TNR: variants seen among roughly 807,000 people sequenced by gnomAD.
The protein encoded by TNR is tenascin-R.
In TNR, 45 loss-of-function variants were observed where a neutral mutation model predicts 150.4. The observed-to-expected ratio is 0.30, with a 90% confidence interval of 0.24 to 0.38. The LOEUF (loss-of-function observed/expected upper bound fraction) is 0.38. Ranked by LOEUF, TNR falls within the 10% of genes least tolerant of loss-of-function variation. The pLI, the probability that TNR is intolerant of heterozygous loss-of-function variation, is 1.00. For synonymous variants in TNR, 687 were observed against 678.4 expected, an observed-to-expected ratio of 1.01 and a Z score of -0.20; for missense variants, 1,544 against 1,759.1, an observed-to-expected ratio of 0.88 and a Z score of 2.19.
intron 1 of TNR, among the ~76,000 whole-genome samples, chr1:175,661,968 T>C (rs1167264731): frequency 6.6e-6 from 1 of 151,960 alleles, no homozygotes; most frequent in Non-Finnish European, 1.5e-5. Context: ...ACCTAGAAGG[T>C]GGCATTCCCG....
At chr1:175,662,770 C>G (rs919365983) in intron 1 of TNR, among the ~76,000 whole-genome samples, 1 of 152,138 alleles carries the variant, frequency 6.6e-6, no homozygotes, top group African/African-American at 2.4e-5. Flanking sequence ...AAGAAGAGGC[C>G]GAGAAGGCCT....
At chr1:175,542,622 T>C (rs912478256) in intron 1 of TNR, among the ~76,000 whole-genome samples, 6 of 152,208 alleles carry the variant, frequency 3.9e-5, no homozygotes, top group Non-Finnish European at 7.3e-5. Context: ...ACTCTACATC[T>C]CCTGATTAGA....
intron 1 of TNR, among the ~76,000 whole-genome samples, chr1:175,544,794 T>G (rs893114322): frequency 2.6e-5 from 4 of 152,224 alleles, no homozygotes; most frequent in African/African-American, 9.6e-5. Flanking sequence ...TTCCCTATCA[T>G]TGGCTGTTTT....
intron 1 of TNR, among the ~76,000 whole-genome samples, chr1:175,618,425 T>A (rs2101862137): frequency 6.6e-6 from 1 of 152,242 alleles, no homozygotes; most frequent in Non-Finnish European, 1.5e-5. Context: ...GCTGGTTATT[T>A]TTCCCCTCTC....
chr1:175,597,738 T>C (rs901594789), intron 1 of TNR, among the ~76,000 whole-genome samples: 1 of 152,172 alleles, frequency 6.6e-6, no homozygotes, highest in African/African-American at 2.4e-5. Context: ...GGACCAGTCA[T>C]GTAAATTAGC....
intron 2 of TNR, among the ~76,000 whole-genome samples, chr1:175,506,242 G>T (rs1044574692): frequency 6.6e-6 from 1 of 152,202 alleles, no homozygotes; most frequent in Non-Finnish European, 1.5e-5. Flanking sequence ...AAAAGGTGCT[G>T]ATTCAAGAGT....
intron 2 of TNR, among the ~76,000 whole-genome samples, chr1:175,462,067 C>G (rs1656845993): frequency 6.6e-6 from 1 of 152,228 alleles, no homozygotes; most frequent in Admixed American, 6.5e-5. Flanking sequence ...TTGAAAGCAC[C>G]TATCCCAGGA....
chr1:175,533,926 T>G (rs1354648646), intron 1 of TNR, among the ~76,000 whole-genome samples: 1 of 152,214 alleles, frequency 6.6e-6, no homozygotes, highest in Non-Finnish European at 1.5e-5. Flanking sequence ...TTTTGATGAC[T>G]GTACCAGCAG....
intron 2 of TNR, among the ~76,000 whole-genome samples, chr1:175,439,079 C>A (rs569968745): frequency 6.6e-6 from 1 of 152,240 alleles, no homozygotes; most frequent in South Asian, 2.1e-4. Flanking sequence ...CAATCCTAAG[C>A]CAAAAGAACA....
At chr1:175,434,096 C>G (rs1215734771) in intron 2 of TNR, among the ~76,000 whole-genome samples, 1 of 152,198 alleles carries the variant, frequency 6.6e-6, no homozygotes, top group Non-Finnish European at 1.5e-5. Context: ...AAGGAACCAG[C>G]ATGCAAAGCT....
At chr1:175,446,163 G>A (rs778563961) in intron 2 of TNR, among the ~76,000 whole-genome samples, 4 of 152,146 alleles carry the variant, frequency 2.6e-5, no homozygotes, top group Non-Finnish European at 4.4e-5. Context: ...TTGCAAGAAG[G>A]CATTGCACAT....
At chr1:175,527,413 T>C (rs530497336) in intron 2 of TNR, among the ~76,000 whole-genome samples, 1 of 152,194 alleles carries the variant, frequency 6.6e-6, no homozygotes, top group Admixed American at 6.5e-5. Flanking sequence ...ATCTGTAGAG[T>C]AGCATGAGGG....
At chr1:175,529,051 T>C (rs1659964243) in intron 1 of TNR, among the ~76,000 whole-genome samples, 1 of 152,194 alleles carries the variant, frequency 6.6e-6, no homozygotes, top group Admixed American at 6.5e-5. Context: ...GCCTTCTGAG[T>C]AAGCAAATTT....
chr1:175,346,603 C>A (rs780479525), intron 18 of TNR, among the ~76,000 whole-genome samples: 3 of 151,676 alleles, frequency 2.0e-5, no homozygotes, highest in South Asian at 2.1e-4. Flanking sequence ...GCTACAGATG[C>A]AGTAGAGATA....
chr1:175,459,701 T>C (rs1265686633), intron 2 of TNR, among the ~76,000 whole-genome samples: 2 of 152,136 alleles, frequency 1.3e-5, no homozygotes, highest in Admixed American at 1.3e-4. Flanking sequence ...GAGGGGAGCC[T>C]GAGAAAGTCT....
rs143353588 is a variant in TNR at position 175,635,519 on chromosome 1, G to A, written c.-164-107150C>T. Among the ~76,000 whole-genome samples the A allele has an allele frequency of 8.5e-5, 13 of 152,310 alleles. No homozygotes were observed. In the East Asian group the frequency reaches 1.5e-3, roughly 18 times the overall value. On this transcript the variant is annotated intron_variant, in intron 1 of 22. Transcript: ENST00000367674. ...TTATCAAGTGCTTGGCAGGAGATACGAAGTAGCAAGGAGGTAATTATCTTG... is the reference window on the plus strand; with the variant it reads ...TTATCAAGTGCTTGGCAGGAGATACAAAGTAGCAAGGAGGTAATTATCTTG...
chr1:175,703,305 T>A (rs536460495), intron 1 of TNR, among the ~76,000 whole-genome samples: 1 of 152,316 alleles, frequency 6.6e-6, no homozygotes, highest in East Asian at 1.9e-4. Flanking sequence ...TCTAATAAGA[T>A]CTCTACTAAC....
chr1:175,471,591 G>A (rs1657294269), intron 2 of TNR, among the ~76,000 whole-genome samples: 1 of 152,098 alleles, frequency 6.6e-6, no homozygotes, highest in South Asian at 2.1e-4. Flanking sequence ...TTAAAAAATG[G>A]TACATCTATA....
intron 2 of TNR, among the ~76,000 whole-genome samples, chr1:175,460,335 C>T (rs1479118130): frequency 1.3e-5 from 2 of 151,946 alleles, no homozygotes; most frequent in Non-Finnish European, 2.9e-5. Flanking sequence ...TCCAAGAGAC[C>T]CACTGGGCTT....
Sources: gnomAD v4.1 joint callset for allele counts (sites outside exome capture counted in the v4.1 genomes callset) on GRCh38, gnomAD v4.1.1 for gene constraint, MANE v1.5 for transcripts, NCBI Gene and HGNC (gene_info 2026-07-23, HGNC 2026-07-21) for gene names.